DNAH14: variants seen among roughly 807,000 people sequenced by gnomAD.
DNAH14 encodes dynein axonemal heavy chain 14, also known as axonemal beta dynein heavy chain 14.
DNAH14 carries 478 observed loss-of-function variants against 520.9 expected under a neutral mutation model. That is an observed-to-expected ratio of 0.92 (90% confidence interval 0.85 to 0.99). The LOEUF (loss-of-function observed/expected upper bound fraction) is 0.99, where lower values mean the gene tolerates loss of function less well. Among genes scored for constraint, DNAH14 ranks in the 50% least tolerant of loss-of-function variants. DNAH14 has a pLI of 0.00. For synonymous variants in DNAH14, 1,581 were observed against 1,757.2 expected, an observed-to-expected ratio of 0.90 and a Z score of 2.51; for missense variants, 4,831 against 5,234.5, an observed-to-expected ratio of 0.92 and a Z score of 2.38.
intron 35 of DNAH14, among the ~76,000 whole-genome samples, chr1:225,165,570 TTTGG>T (rs3043025): frequency 3.6e-4 from 54 of 150,388 alleles, no homozygotes; most frequent in African/African-American, 4.4e-4. Flanking sequence ...TACTTGTTTG[TTTGG>T]TTGGTTGGTT....
intron 8 of DNAH14, among the ~76,000 whole-genome samples, chr1:225,000,301 A>G (rs1475417104): frequency 6.6e-6 from 1 of 152,022 alleles, no homozygotes; most frequent in Non-Finnish European, 1.5e-5. Flanking sequence ...TGCTGATTTC[A>G]AGGTTTTTTC....
chr1:225,272,129 C>A, intron 51 of DNAH14, 56 bp downstream of exon 51: 1 of 1,454,172 alleles, frequency 6.9e-7, no homozygotes, highest in South Asian at 1.3e-5. Flanking sequence ...TGCTCTCTCT[C>A]ATACTGTCAA....
chr1:225,273,157 G>T, intron 52 of DNAH14, 32 bp downstream of exon 52: 2 of 1,529,970 alleles, frequency 1.3e-6, no homozygotes, highest in Non-Finnish European at 1.8e-6. Context: ...TATTGGCCGG[G>T]TGTGGTGGCT....
intron 84 of DNAH14, among the ~76,000 whole-genome samples, chr1:225,395,424 T>G (rs2095994213): frequency 6.6e-6 from 1 of 152,104 alleles, no homozygotes; most frequent in South Asian, 2.1e-4. Context: ...AAACCCCGTC[T>G]CTACTGAAAA....
intron 22 of DNAH14, among the ~76,000 whole-genome samples, chr1:225,100,397 C>G (rs1190183284): frequency 2.6e-5 from 4 of 152,148 alleles, no homozygotes; most frequent in Non-Finnish European, 5.9e-5. Flanking sequence ...GTCAGTAACC[C>G]TTTGTTTTAT....
At chr1:225,026,167 C>A (rs1407986258) in intron 11 of DNAH14, among the ~76,000 whole-genome samples, 2 of 151,498 alleles carry the variant, frequency 1.3e-5, no homozygotes, top group African/African-American at 2.4e-5. Flanking sequence ...TCTAAGAGTT[C>A]TTTATTTATT....
At chr1:225,397,867 G>A (rs796720552) in intron 84 of DNAH14, 14 of 152,042 alleles carry the variant, frequency 9.2e-5, no homozygotes, top group African/African-American at 3.4e-4. Context: ...CCAACGTGAT[G>A]AAACCCGATC....
At chr1:225,027,453 T>C (rs1043547418) in intron 11 of DNAH14, among the ~76,000 whole-genome samples, 4 of 152,104 alleles carry the variant, frequency 2.6e-5, no homozygotes, top group African/African-American at 9.7e-5. Context: ...TGTCATATTG[T>C]CATAAAAAAC....
chr1:225,273,264 T>C, intron 52 of DNAH14, 139 bp downstream of exon 52: 6 of 936,388 alleles, frequency 6.4e-6, no homozygotes, highest in South Asian at 3.7e-5. Context: ...ACCCCGTGTC[T>C]ACTAAAAATA....
chr1:225,335,888 C>CAT (rs140260228), intron 66 of DNAH14, among the ~76,000 whole-genome samples: 26,084 of 63,768 alleles, frequency 0.41, 4,626 homozygotes, highest in East Asian at 0.57. Flanking sequence ...CATATATGTA[C>CAT]ATATACATAC....
intron 36 of DNAH14, among the ~76,000 whole-genome samples, chr1:225,184,307 C>A (rs1307373235): frequency 6.7e-6 from 1 of 148,528 alleles, no homozygotes; most frequent in Non-Finnish European, 1.5e-5. Context: ...ATGTGATTCA[C>A]CACATAAACA....
chr1:225,279,305 C>A (rs889367227), intron 54 of DNAH14, among the ~76,000 whole-genome samples: 1 of 152,146 alleles, frequency 6.6e-6, no homozygotes, highest in African/African-American at 2.4e-5. Flanking sequence ...CCACACCTGG[C>A]CCCCTATTAC....
chr1:225,295,852 C>T (rs922465575), intron 55 of DNAH14, among the ~76,000 whole-genome samples: 3 of 151,886 alleles, frequency 2.0e-5, no homozygotes, highest in Non-Finnish European at 4.4e-5. Context: ...TGTTGAAATC[C>T]CCAACTATTA....
intron 4 of DNAH14, among the ~76,000 whole-genome samples, chr1:224,960,503 G>C (rs984263526): frequency 2.0e-5 from 3 of 152,048 alleles, no homozygotes; most frequent in Non-Finnish European, 4.4e-5. Context: ...AATTGACAGA[G>C]ACTGTTTAAT....
chr1:224,972,608 G>A (rs2061566094), intron 7 of DNAH14, among the ~76,000 whole-genome samples: 1 of 151,954 alleles, frequency 6.6e-6, no homozygotes, highest in Non-Finnish European at 1.5e-5. Flanking sequence ...TGGGACTACA[G>A]GCGCCTGCCA....
chr1:225,200,093 T>C (rs2086634865), intron 38 of DNAH14, among the ~76,000 whole-genome samples: 2 of 152,230 alleles, frequency 1.3e-5, no homozygotes, highest in African/African-American at 4.8e-5. Flanking sequence ...AATGTCTCTC[T>C]GTCTTTTTTA....
chr1:225,005,821 T>C (rs555040242), intron 9 of DNAH14, among the ~76,000 whole-genome samples: 30 of 152,318 alleles, frequency 2.0e-4, no homozygotes, highest in South Asian at 1.4e-3. Flanking sequence ...TATACACGCA[T>C]GTATGGAACA....
chr1:225,269,578 C>T (rs2093246797), intron 49 of DNAH14, among the ~76,000 whole-genome samples: 3 of 152,008 alleles, frequency 2.0e-5, no homozygotes, highest in South Asian at 4.2e-4. Flanking sequence ...ACAATCTGCC[C>T]ATCTGACAAA....
chr1:225,024,338 T>A (rs2456339), intron 11 of DNAH14: 820,999 of 878,346 alleles, frequency 0.93, 386,870 homozygotes, highest in Non-Finnish European at 0.96. Flanking sequence ...ATTTTCCCAA[T>A]GAAAAAACTA....
Sources: allele counts gnomAD v4.1 joint callset (sites outside exome capture counted in the v4.1 genomes callset), GRCh38; gene constraint gnomAD v4.1.1; transcripts MANE v1.5; gene names NCBI Gene and HGNC (gene_info 2026-07-23, HGNC 2026-07-21).